Variants in RASGRF1 observed in about 807,000 individuals in gnomAD.
RASGRF1 encodes the protein Ras protein specific guanine nucleotide releasing factor 1, also known as ras-specific guanine nucleotide-releasing factor 1.
Under a neutral mutation model 138.7 loss-of-function variants are expected in RASGRF1, and 40 were observed. The ratio of observed to expected loss-of-function variants is 0.29; its 90% CI spans 0.22 to 0.38. The LOEUF is 0.38. Among genes scored for constraint, RASGRF1 ranks in the 10% least tolerant of loss-of-function variants. RASGRF1 has a pLI of 1.00. For synonymous variants in RASGRF1, 614 were observed against 663.2 expected (o/e 0.93, Z 1.14); for missense variants, 1,108 against 1,650.4 (o/e 0.67, Z 5.69).
intron 13 of RASGRF1, among the ~76,000 whole-genome samples, chr15:79,007,962 C>T (rs1365896699): frequency 6.6e-6 from 1 of 152,052 alleles, no homozygotes; most frequent in African/African-American, 2.4e-5. Context: ...CCTGCCTCAG[C>T]CTCCCGAGTA....
chr15:79,065,054 C>T (rs1438068691), intron 1 of RASGRF1, among the ~76,000 whole-genome samples: 2 of 152,188 alleles, frequency 1.3e-5, no homozygotes, highest in African/African-American at 2.4e-5. Flanking sequence ...GGGCCCTGCC[C>T]CTTAAGGACT....
chr15:79,014,443 C>A (rs944789441), intron 13 of RASGRF1, among the ~76,000 whole-genome samples: 2 of 152,172 alleles, frequency 1.3e-5, no homozygotes, highest in Non-Finnish European at 2.9e-5. Flanking sequence ...TTCACAGAAA[C>A]CTGGATAGGA....
chr15:78,977,608 C>A (rs78480810), intron 24 of RASGRF1, among the ~76,000 whole-genome samples: 7,677 of 152,180 alleles, frequency 0.05, 623 homozygotes, highest in African/African-American at 0.17. Context: ...TTGATTCTCA[C>A]CCTGATTAAA....
intron 6 of RASGRF1, among the ~76,000 whole-genome samples, chr15:79,033,983 C>T (rs1221212067): frequency 6.6e-6 from 1 of 152,192 alleles, no homozygotes; most frequent in Non-Finnish European, 1.5e-5. Flanking sequence ...TGTCTGACCA[C>T]CTGACGGACA....
At chr15:78,981,099 G>A (rs1384103879) in intron 23 of RASGRF1, 1 of 158,114 alleles carries the variant, frequency 6.3e-6, no homozygotes, top group Non-Finnish European at 1.4e-5. Flanking sequence ...CCCAAAGGAT[G>A]TGACCGTCAT....
chr15:79,036,720 A>C (rs938486245), intron 5 of RASGRF1, among the ~76,000 whole-genome samples: 1 of 152,002 alleles, frequency 6.6e-6, no homozygotes, highest in Admixed American at 6.6e-5. Flanking sequence ...TTGCAGAGAA[A>C]CAGGTAGGGT....
chr15:79,036,313 A>G (rs867984596), intron 5 of RASGRF1, among the ~76,000 whole-genome samples: 1 of 152,200 alleles, frequency 6.6e-6, no homozygotes, highest in South Asian at 2.1e-4. Flanking sequence ...GAAAGTGAGT[A>G]CCTCAGGAGT....
At chr15:79,056,673 G>A (rs944671064) in intron 3 of RASGRF1, among the ~76,000 whole-genome samples, 9 of 152,318 alleles carry the variant, frequency 5.9e-5, no homozygotes, top group African/African-American at 2.2e-4. Context: ...CTGTTATCAG[G>A]CTAGCAGAGA....
chr15:78,967,696 T>C (rs1434524486), intron 26 of RASGRF1, among the ~76,000 whole-genome samples: 1 of 152,242 alleles, frequency 6.6e-6, no homozygotes, highest in African/African-American at 2.4e-5. Context: ...TGTTTTTCCA[T>C]GGTTAATGCT....
At chr15:79,062,935 TTTG>T (rs1406549589) in intron 2 of RASGRF1, among the ~76,000 whole-genome samples, 3 of 152,114 alleles carry the variant, frequency 2.0e-5, no homozygotes, top group Non-Finnish European at 2.9e-5. Context: ...AAGGCTTTTT[TTTG>T]TTGTTGTCGT....
chr15:79,033,134 G>T (rs560030619), intron 6 of RASGRF1, among the ~76,000 whole-genome samples: 5 of 152,188 alleles, frequency 3.3e-5, no homozygotes, highest in Non-Finnish European at 7.4e-5. Flanking sequence ...AAGCTTCCTG[G>T]GTATATACTT....
chr15:79,075,345 C>A (rs2057818395), intron 1 of RASGRF1, among the ~76,000 whole-genome samples: 1 of 152,198 alleles, frequency 6.6e-6, no homozygotes, highest in Non-Finnish European at 1.5e-5. Flanking sequence ...ACACCTGTGG[C>A]CTCAGTTGAC....
At chr15:78,970,825 CTTTT>C (rs35845555) in intron 26 of RASGRF1, among the ~76,000 whole-genome samples, 5 of 131,818 alleles carry the variant, frequency 3.8e-5, no homozygotes, top group Non-Finnish European at 3.2e-5. Flanking sequence ...CTAGCTGAGA[CTTTT>C]TTTTTTTTTT....
intron 22 of RASGRF1, 52 bp downstream of exon 22, chr15:78,990,137 C>T (rs28718997): frequency 0.017 from 24,080 of 1,385,688 alleles, 264 homozygotes; most frequent in Non-Finnish European, 0.021. Flanking sequence ...GCCTCTTGAG[C>T]GTCTTGCCAA....
chr15:78,970,036 A>G (rs895647842), intron 26 of RASGRF1, among the ~76,000 whole-genome samples: 18 of 152,276 alleles, frequency 1.2e-4, no homozygotes, highest in Non-Finnish European at 2.6e-4. Flanking sequence ...AAAGCAGATC[A>G]TGAGTTCTCA....
rs540770215 is a variant in RASGRF1, at chr15:79,018,242, C to T, written c.1607-336G>A. On this transcript the variant is annotated intron_variant, in intron 11 of 26. Coordinates refer to ENST00000558480, the MANE Select transcript of RASGRF1 (RefSeq NM_001145648.3). Reference sequence around the variant, plus strand: ...CCCAAGGCTCCCAGCAGGGTGGTGGCCAAGCCAGGGCAGGGCTAGAATGGG... The same window carrying T: ...CCCAAGGCTCCCAGCAGGGTGGTGGTCAAGCCAGGGCAGGGCTAGAATGGG... Among the ~76,000 whole-genome samples the T allele has an allele frequency of 7.9e-5, 12 of 152,378 alleles. No homozygotes were observed. In the South Asian group the frequency reaches 2.5e-3, roughly 32 times the overall value.
chr15:79,072,110 A>G (rs2057764009), intron 1 of RASGRF1, among the ~76,000 whole-genome samples: 2 of 152,032 alleles, frequency 1.3e-5, no homozygotes, highest in South Asian at 2.1e-4. Flanking sequence ...TCAAGGCCCA[A>G]GCTCCAAAGC....
chr15:79,024,551 G>C (rs1170956102), intron 10 of RASGRF1, among the ~76,000 whole-genome samples: 2 of 152,168 alleles, frequency 1.3e-5, no homozygotes, highest in Admixed American at 1.3e-4. Context: ...TGTGTCATGG[G>C]AGGGACCCAG....
rs900398920 is a variant in RASGRF1, at chr15:79,027,547, T to G, written c.1381+194A>C. 2.0e-5 allele frequency among the ~76,000 whole-genome samples: 3 copies of G among 152,228 alleles called. No individual in the cohort carries two copies. The highest frequency in any genetic ancestry group is 2.9e-5 in the Non-Finnish European group (2 of 68,042). On this transcript the variant is annotated intron_variant, in intron 9 of 26. Transcript: ENST00000558480. The surrounding 1 kb of genome is among the most constrained non-coding windows in gnomAD (Gnocchi z 4.8). ...ACTGTGAAAACCAATAATATCTGCA[T>G]CTATATGTATAGATACTGACATCTA...
Sources: allele counts gnomAD v4.1 joint callset (sites outside exome capture counted in the v4.1 genomes callset), GRCh38; gene constraint gnomAD v4.1.1; non-coding constraint Gnocchi (gnomAD v3.1); transcripts MANE v1.5; gene names NCBI Gene and HGNC (gene_info 2026-07-23, HGNC 2026-07-21).